KHDRBS2: variants seen among roughly 807,000 people sequenced by gnomAD.
KHDRBS2 encodes the protein KH domain-containing, RNA-binding, signal transduction-associated protein 2.
Under a neutral mutation model 44.3 loss-of-function variants are expected in KHDRBS2, and 26 were observed. That is an observed-to-expected ratio of 0.59 (90% confidence interval 0.43 to 0.81). The LOEUF (loss-of-function observed/expected upper bound fraction) is 0.81, where lower values mean the gene tolerates loss of function less well. KHDRBS2 is among the 40% of genes least tolerant of loss of function. The pLI, the probability that KHDRBS2 is intolerant of heterozygous loss-of-function variation, is 0.00. For missense variants in KHDRBS2, 476 were observed against 433.1 expected (o/e 1.10, Z -0.88); for synonymous variants, 194 against 151.1 (o/e 1.28, Z -2.08).
intron 4 of KHDRBS2, among the ~76,000 whole-genome samples, chr6:61,928,853 ATAT>A (rs1270877296): frequency 6.6e-6 from 1 of 152,132 alleles, no homozygotes; most frequent in Non-Finnish European, 1.5e-5. Flanking sequence ...CTTTAGAAAC[ATAT>A]TATAAAACTA....
At chr6:61,567,284 C>G in the KHDRBS2 span, among the ~76,000 whole-genome samples, 1 of 152,174 alleles carries the variant, frequency 6.6e-6, no homozygotes, top group African/African-American at 2.4e-5. Flanking sequence ...AAAGGGAGGC[C>G]AAGGGCCTAT....
the KHDRBS2 span, among the ~76,000 whole-genome samples, chr6:61,642,678 T>G: frequency 6.7e-6 from 1 of 149,654 alleles, no homozygotes; most frequent in Non-Finnish European, 1.5e-5. Flanking sequence ...AAAAAAAGAA[T>G]AATAAATTTT....
the KHDRBS2 span, among the ~76,000 whole-genome samples, chr6:61,550,261 A>G: frequency 1.3e-5 from 2 of 151,996 alleles, no homozygotes; most frequent in Non-Finnish European, 2.9e-5. Flanking sequence ...TGTGTACTCA[A>G]TGTTCAGTTC....
chr6:62,175,569 T>G (rs1161791658), intron 2 of KHDRBS2, among the ~76,000 whole-genome samples: 1 of 151,544 alleles, frequency 6.6e-6, no homozygotes, highest in Non-Finnish European at 1.5e-5. Flanking sequence ...AATAAAAGTT[T>G]TATATATTCT....
At chr6:61,793,632 T>C (rs1784921868) in intron 6 of KHDRBS2, among the ~76,000 whole-genome samples, 1 of 151,918 alleles carries the variant, frequency 6.6e-6, no homozygotes, top group East Asian at 1.9e-4. Context: ...ATTTGGGGAG[T>C]CTATGGGGGT....
At chr6:61,763,159 C>T (rs1779520382) in intron 6 of KHDRBS2, among the ~76,000 whole-genome samples, 1 of 152,076 alleles carries the variant, frequency 6.6e-6, no homozygotes, top group African/African-American at 2.4e-5. Flanking sequence ...AGCAGAGAAA[C>T]CAAAGAAATC....
the KHDRBS2 span, among the ~76,000 whole-genome samples, chr6:61,635,721 A>G: frequency 6.6e-6 from 1 of 152,046 alleles, no homozygotes; most frequent in Non-Finnish European, 1.5e-5. Context: ...CCTACTATCC[A>G]TGTTGAGGTT....
chr6:62,075,807 T>A (rs1426358286), intron 2 of KHDRBS2, among the ~76,000 whole-genome samples: 1 of 151,810 alleles, frequency 6.6e-6, no homozygotes, highest in Non-Finnish European at 1.5e-5. Flanking sequence ...ATAGAGCCTC[T>A]GTTTTCAGTC....
the KHDRBS2 span, among the ~76,000 whole-genome samples, chr6:61,552,562 T>C: frequency 6.6e-6 from 1 of 152,142 alleles, no homozygotes; most frequent in Non-Finnish European, 1.5e-5. Context: ...AAAATGGGCA[T>C]CTTGTCTTTT....
intron 8 of KHDRBS2, among the ~76,000 whole-genome samples, chr6:61,695,837 C>T (rs540471477): frequency 2.0e-4 from 31 of 152,148 alleles, no homozygotes; most frequent in African/African-American, 6.7e-4. Context: ...ACTCTTCTTC[C>T]TTTCCTCTCA....
At chr6:61,613,207 A>G in the KHDRBS2 span, among the ~76,000 whole-genome samples, 9 of 152,094 alleles carry the variant, frequency 5.9e-5, no homozygotes, top group Non-Finnish European at 1.2e-4. Context: ...TTCCTCCTAT[A>G]GAATACAAGG....
chr6:62,073,274 T>G (rs1276147674), intron 2 of KHDRBS2, among the ~76,000 whole-genome samples: 6 of 151,796 alleles, frequency 4.0e-5, no homozygotes, highest in Non-Finnish European at 8.8e-5. Flanking sequence ...TATTTTTTCT[T>G]CAGTCAGTTT....
the KHDRBS2 span, among the ~76,000 whole-genome samples, chr6:61,589,567 T>C: frequency 1.4e-4 from 21 of 152,344 alleles, no homozygotes; most frequent in African/African-American, 4.6e-4. Context: ...CATTATGAAC[T>C]AGCTACATCA....
chr6:61,804,575 C>T lies in KHDRBS2; in HGVS notation c.811-71811G>A, dbSNP rs539353559. Reference sequence around the variant, plus strand: ...GAGGTTCTACATCAGGGCTCTTCCCCGGCAGCAAACTTCTGCCTGAATATC... The same window carrying T: ...GAGGTTCTACATCAGGGCTCTTCCCTGGCAGCAAACTTCTGCCTGAATATC... On this transcript the variant is annotated intron_variant, in intron 6 of 8. Coordinates refer to ENST00000281156, the MANE Select transcript of KHDRBS2 (RefSeq NM_152688.4). Among the ~76,000 whole-genome samples the T allele has an allele frequency of 1.1e-4, 17 of 152,298 alleles. 1 individual carries two copies. The South Asian group carries it at 1.9e-3, about 17-fold the overall frequency.
the KHDRBS2 span, among the ~76,000 whole-genome samples, chr6:61,589,908 C>A: frequency 2.0e-5 from 3 of 152,038 alleles, no homozygotes; most frequent in Non-Finnish European, 2.9e-5. Context: ...AAGGAGGCAA[C>A]CTTATGATAT....
At chr6:62,059,206 T>G (rs1448378623) in intron 2 of KHDRBS2, among the ~76,000 whole-genome samples, 4 of 109,844 alleles carry the variant, frequency 3.6e-5, no homozygotes, top group African/African-American at 7.7e-5. Flanking sequence ...AAGTTTTTTT[T>G]TTTTTTTTTT....
the KHDRBS2 span, among the ~76,000 whole-genome samples, chr6:61,615,219 C>CCAAAAAAAA: frequency 9.9e-6 from 1 of 101,016 alleles, no homozygotes; most frequent in Non-Finnish European, 1.9e-5. Flanking sequence ...GGTGACAGAG[C>CCAAAAAAAA]AAGACTCCAT....
chr6:61,713,511 A>G (rs1391363464), intron 7 of KHDRBS2, among the ~76,000 whole-genome samples: 1 of 151,466 alleles, frequency 6.6e-6, no homozygotes, highest in East Asian at 1.9e-4. Flanking sequence ...CTGCAGTGTT[A>G]GAAGAGAAAT....
At chr6:61,637,500 G>A in the KHDRBS2 span, among the ~76,000 whole-genome samples, 1 of 152,110 alleles carries the variant, frequency 6.6e-6, no homozygotes, top group African/African-American at 2.4e-5. Context: ...ACATATGTGT[G>A]CGTGTGTCTT....
Sources: gnomAD v4.1 joint callset for allele counts (sites outside exome capture counted in the v4.1 genomes callset) on GRCh38, gnomAD v4.1.1 for gene constraint, MANE v1.5 for transcripts, NCBI Gene and HGNC (gene_info 2026-07-23, HGNC 2026-07-21) for gene names.